The following PCDH9 variants were observed in gnomAD, a reference collection of about 807,000 sequenced individuals.
The protein encoded by PCDH9 is protocadherin-9.
Under a neutral mutation model 70.6 loss-of-function variants are expected in PCDH9, and 24 were observed. The ratio of observed to expected loss-of-function variants is 0.34; its 90% confidence interval spans 0.25 to 0.48. The LOEUF (loss-of-function observed/expected upper bound fraction) is 0.48, where lower values mean the gene tolerates loss of function less well. PCDH9 is among the 20% of genes least tolerant of loss of function. The pLI is 0.99. For missense variants in PCDH9, 1,281 were observed against 1,503.6 expected, an observed-to-expected ratio of 0.85 and a Z score of 2.45; for synonymous variants, 562 against 558.5, an observed-to-expected ratio of 1.01 and a Z score of -0.09.
chr13:66,794,637 A>G (rs1049609100), intron 3 of PCDH9, among the ~76,000 whole-genome samples: 1 of 151,994 alleles, frequency 6.6e-6, no homozygotes, highest in African/African-American at 2.4e-5. Context: ...CAGATCTACA[A>G]GGAAGAATGG....
chr13:66,475,838 C>G (rs910645310), intron 4 of PCDH9, among the ~76,000 whole-genome samples: 1 of 152,070 alleles, frequency 6.6e-6, no homozygotes, highest in Admixed American at 6.6e-5. Flanking sequence ...AAAGCATTCA[C>G]GACCACATTG....
intron 2 of PCDH9, among the ~76,000 whole-genome samples, chr13:67,003,963 C>G (rs1382055616): frequency 1.3e-5 from 2 of 152,074 alleles, no homozygotes; most frequent in Non-Finnish European, 2.9e-5. Flanking sequence ...GGAAATGTAA[C>G]AGACCTGACC....
intron 3 of PCDH9, among the ~76,000 whole-genome samples, chr13:66,791,179 TA>T (rs938107713): frequency 3.3e-5 from 5 of 152,076 alleles, no homozygotes; most frequent in Non-Finnish European, 5.9e-5. Context: ...CCTTTGCACA[TA>T]AACACATGGA....
chr13:66,603,720 C>A (rs1185942663), intron 4 of PCDH9, among the ~76,000 whole-genome samples: 1 of 151,808 alleles, frequency 6.6e-6, no homozygotes, highest in East Asian at 1.9e-4. Flanking sequence ...TATCTGGTGC[C>A]CCAAATAGTT....
chr13:66,682,093 G>C (rs575341607), intron 3 of PCDH9, among the ~76,000 whole-genome samples: 1 of 151,834 alleles, frequency 6.6e-6, no homozygotes, highest in Non-Finnish European at 1.5e-5. Flanking sequence ...ATGACTCAAA[G>C]CCTGCATACC....
intron 2 of PCDH9, among the ~76,000 whole-genome samples, chr13:67,038,828 A>G (rs2085057767): frequency 6.6e-6 from 1 of 152,134 alleles, no homozygotes; most frequent in South Asian, 2.1e-4. Context: ...TTCCCGACAC[A>G]GGGCTCCTAC....
At chr13:66,861,158 C>T (rs1460641371) in intron 3 of PCDH9, among the ~76,000 whole-genome samples, 3 of 152,138 alleles carry the variant, frequency 2.0e-5, no homozygotes, top group African/African-American at 7.2e-5. Context: ...GAAAATCACC[C>T]AAATGTACTT....
rs147520782 is a variant in PCDH9, at chr13:66,974,228, C to T, written c.3037-70623G>A. ...CTAATATATTCCATACACTACAATG[C>T]ATCCTCTCAACTACCTCTCAGGGAG... On this transcript the variant is annotated intron_variant, in intron 2 of 4. Transcript: ENST00000377865. Among the ~76,000 whole-genome samples, 28 of 152,110 alleles carry T rather than the reference C, an allele frequency of 1.8e-4. No homozygotes were observed. In the East Asian group the frequency reaches 5.4e-3, roughly 29 times the overall value.
chr13:67,060,801 G>A (rs1165735430), intron 2 of PCDH9, among the ~76,000 whole-genome samples: 4 of 151,964 alleles, frequency 2.6e-5, no homozygotes, highest in Admixed American at 6.6e-5. Context: ...GATGTGAACT[G>A]GATATTTCCC....
At chr13:66,884,844 A>T (rs1023527782) in intron 3 of PCDH9, among the ~76,000 whole-genome samples, 6 of 152,200 alleles carry the variant, frequency 3.9e-5, no homozygotes, top group Non-Finnish European at 7.3e-5. Context: ...TTAGGGAACT[A>T]CAAAAAAATG....
intron 4 of PCDH9, among the ~76,000 whole-genome samples, chr13:66,423,664 G>A (rs186323452): frequency 1.3e-5 from 2 of 152,248 alleles, no homozygotes; most frequent in African/African-American, 4.8e-5. Context: ...ACTAGGTATT[G>A]AGGGAACATA....
chr13:66,691,755 T>C (rs2139085364), intron 3 of PCDH9, among the ~76,000 whole-genome samples: 1 of 152,298 alleles, frequency 6.6e-6, no homozygotes, highest in East Asian at 1.9e-4. Flanking sequence ...AAAGAATACA[T>C]GCCTTATATT....
chr13:67,015,712 C>G (rs1472263416), intron 2 of PCDH9, among the ~76,000 whole-genome samples: 1 of 152,162 alleles, frequency 6.6e-6, no homozygotes, highest in Non-Finnish European at 1.5e-5. Context: ...ACCTACTATT[C>G]AACTGCTTTA....
intron 2 of PCDH9, among the ~76,000 whole-genome samples, chr13:66,959,073 C>T (rs765649476): frequency 8.5e-4 from 130 of 152,152 alleles, no homozygotes; most frequent in African/African-American, 3.0e-3. Context: ...AATGTAAGAG[C>T]CTATGTGGGT....
At chr13:66,717,451 CAAAAAA>C (rs1246391058) in intron 3 of PCDH9, among the ~76,000 whole-genome samples, 1 of 50,448 alleles carries the variant, frequency 2.0e-5, no homozygotes, top group African/African-American at 1.1e-4. Context: ...GACTCTGTCT[CAAAAAA>C]AAAAAAAAAA....
intron 4 of PCDH9, among the ~76,000 whole-genome samples, chr13:66,333,045 A>C (rs573061562): frequency 1.3e-5 from 2 of 152,170 alleles, no homozygotes; most frequent in African/African-American, 4.8e-5. Context: ...TGGCATTTAC[A>C]ACTGCAAAGA....
chr13:66,597,359 G>C (rs942534382), intron 4 of PCDH9, among the ~76,000 whole-genome samples: 10 of 151,794 alleles, frequency 6.6e-5, no homozygotes, highest in African/African-American at 2.4e-4. Flanking sequence ...ATCAAAACAG[G>C]ATGGTACTGG....
Position 66,627,813 on chromosome 13 carries a change from A to G in PCDH9, c.3340+3397T>C, listed in dbSNP as rs117055105. ...TGGTAAAAACTCTAGAGATTTCTTG[A>G]AGCTAGTTTGAAAGGTTTTCGTTTG... is the stretch of plus-strand genomic sequence containing the variant. On this transcript the variant is annotated intron_variant, in intron 4 of 4. Coordinates refer to ENST00000377865, the MANE Select transcript of PCDH9 (RefSeq NM_203487.3). Among the ~76,000 whole-genome samples, 632 of 152,234 alleles carry G rather than the reference A, an allele frequency of 4.2e-3. 19 individuals carry two copies. In the East Asian group the frequency reaches 0.08, roughly 19 times the overall value.
At chr13:67,003,071 AC>A (rs2084278299) in intron 2 of PCDH9, among the ~76,000 whole-genome samples, 1 of 151,980 alleles carries the variant, frequency 6.6e-6, no homozygotes, top group Non-Finnish European at 1.5e-5. Context: ...AACCACCTTG[AC>A]CTTTACCAGA....
Sources: allele counts gnomAD v4.1 joint callset (sites outside exome capture counted in the v4.1 genomes callset), GRCh38; gene constraint gnomAD v4.1.1; transcripts MANE v1.5; gene names NCBI Gene and HGNC (gene_info 2026-07-23, HGNC 2026-07-21).